The following MEGF10 variants were observed in gnomAD, a reference collection of about 807,000 sequenced individuals.
The protein encoded by MEGF10 is multiple EGF like domains 10, also known as multiple epidermal growth factor-like domains protein 10.
MEGF10 carries 86 observed loss-of-function variants against 147.5 expected under a neutral mutation model. That is an observed-to-expected ratio of 0.58 (90% CI 0.49 to 0.70). The LOEUF is 0.70. Ranked by LOEUF, MEGF10 falls within the 30% of genes least tolerant of loss-of-function variation. MEGF10 has a pLI of 0.00. For synonymous variants in MEGF10, 478 were observed against 525.5 expected (o/e 0.91, Z 1.24); for missense variants, 1,329 against 1,487.3 (o/e 0.89, Z 1.75).
chr5:127,376,130 T>G (rs1342665423), intron 5 of MEGF10, among the ~76,000 whole-genome samples: 3 of 152,118 alleles, frequency 2.0e-5, no homozygotes, highest in Non-Finnish European at 4.4e-5. Context: ...CCCTTCACTT[T>G]CAGTTGGGGA....
At chr5:127,245,728 C>T in the MEGF10 span, among the ~76,000 whole-genome samples, 2 of 152,120 alleles carry the variant, frequency 1.3e-5, no homozygotes, top group Non-Finnish European at 2.9e-5. Context: ...GGGCTAATAT[C>T]CAGAATCTAT....
intron 5 of MEGF10, among the ~76,000 whole-genome samples, chr5:127,370,279 T>C (rs1453325157): frequency 6.6e-6 from 1 of 152,140 alleles, no homozygotes; most frequent in Non-Finnish European, 1.5e-5. Context: ...TTTTCTAGAG[T>C]AGGGTCCACA....
At chr5:127,265,351 G>C in the MEGF10 span, among the ~76,000 whole-genome samples, 1 of 152,222 alleles carries the variant, frequency 6.6e-6, no homozygotes, top group African/African-American at 2.4e-5. Context: ...CCAAGTCTTT[G>C]CTATTGTGAA....
At chr5:127,273,388 C>T in the MEGF10 span, among the ~76,000 whole-genome samples, 1 of 152,240 alleles carries the variant, frequency 6.6e-6, no homozygotes, top group Non-Finnish European at 1.5e-5. Flanking sequence ...TGTTTCCCCT[C>T]ATCAGTCCCA....
intron 18 of MEGF10, 86 bp from the exon 19 acceptor site, chr5:127,442,912 C>A: frequency 7.0e-7 from 1 of 1,438,168 alleles, no homozygotes; most frequent in Non-Finnish European, 9.5e-7. Context: ...AAGGACTCAG[C>A]TCTAGATGTG....
intron 1 of MEGF10, among the ~76,000 whole-genome samples, chr5:127,303,111 C>T (rs1325074480): frequency 1.3e-5 from 2 of 151,868 alleles, no homozygotes; most frequent in Admixed American, 6.6e-5. Context: ...CCAAGGTGGG[C>T]GGATCACTTG....
rs1766521073 is a variant in MEGF10, at chr5:127,460,448, TATATTCA to T, written c.*3131_*3137del. The T allele has an allele frequency of 6.6e-6, 1 of 152,166 alleles. No homozygotes were observed. Among genetic ancestry groups the T allele is most frequent in the Admixed American group, 6.5e-5 (1 of 15,280 alleles). The allele number at this position is 152,166 out of a possible 1,614,324, so 9.4% of individuals were successfully genotyped here. The stretch of plus-strand genomic sequence containing the variant: ...TGTTTAGCATTATCTTTATGGAATT[TATATTCA>T]CCAATTTCAGGAAAACCAACCATAG... On this transcript the variant is annotated 3_prime_UTR_variant, in exon 25 of 25. Coordinates refer to ENST00000503335, the MANE Select transcript of MEGF10 (RefSeq NM_001256545.2).
intron 5 of MEGF10, among the ~76,000 whole-genome samples, chr5:127,381,743 T>C (rs992182096): frequency 6.6e-6 from 1 of 152,196 alleles, no homozygotes; most frequent in African/African-American, 2.4e-5. Context: ...TGATCTCAAC[T>C]GACTGCAACC....
intron 1 of MEGF10, among the ~76,000 whole-genome samples, chr5:127,303,537 G>A (rs1159275370): frequency 6.6e-6 from 1 of 152,010 alleles, no homozygotes; most frequent in Non-Finnish European, 1.5e-5. Context: ...TTCACTAATT[G>A]CAACACAACC....
At chr5:127,442,883 C>T in intron 18 of MEGF10, 115 bp from the exon 19 acceptor site, 1 of 1,113,632 alleles carries the variant, frequency 9.0e-7, no homozygotes, top group Non-Finnish European at 1.3e-6. Context: ...ACAAGTCAGC[C>T]TCAATAGGAA....
At chr5:127,447,801 TA>T in intron 21 of MEGF10, 117 bp downstream of exon 21, 2 of 1,283,506 alleles carry the variant, frequency 1.6e-6, no homozygotes, top group South Asian at 3.0e-5. Flanking sequence ...ATATATTATC[TA>T]ATTTATTCCT....
At chr5:127,422,991 G>A (rs1483911611) in intron 13 of MEGF10, among the ~76,000 whole-genome samples, 1 of 152,198 alleles carries the variant, frequency 6.6e-6, no homozygotes, top group Non-Finnish European at 1.5e-5. Flanking sequence ...GTAAGGTCCA[G>A]CTGTCAAAAT....
intron 6 of MEGF10, among the ~76,000 whole-genome samples, chr5:127,397,765 C>T (rs1763974325): frequency 6.6e-6 from 1 of 152,030 alleles, no homozygotes; most frequent in African/African-American, 2.4e-5. Context: ...CTGTGGGAAA[C>T]TTGGAGCAAT....
chr5:127,358,950 A>G (rs896378798), intron 4 of MEGF10, among the ~76,000 whole-genome samples: 1 of 151,968 alleles, frequency 6.6e-6, no homozygotes, highest in South Asian at 2.1e-4. Context: ...TAAGCTAAAA[A>G]CTCTTTCTGT....
the MEGF10 span, among the ~76,000 whole-genome samples, chr5:127,284,195 G>A: frequency 1.6e-4 from 24 of 152,120 alleles, no homozygotes; most frequent in Non-Finnish European, 1.8e-4. Context: ...AGGACTGGAA[G>A]AAGAAGACCG....
chr5:127,410,421 G>A lies in MEGF10; in HGVS notation c.950G>A (p.Gly317Asp). 1 of 1,614,218 alleles carries A rather than the reference G, an allele frequency of 6.2e-7. No homozygotes were observed. The highest frequency in any genetic ancestry group is 8.5e-7 in the Non-Finnish European group (1 of 1,180,036). The change falls in exon 9 of 25, where the codon GGC becomes GAC. Residue 317 changes from glycine to aspartate, a missense_variant. Transcript: ENST00000503335. ...GATGAGTGTCCTGTTGGGACCTATG[G>A]CGTTCTCTGTGCTGAGACCTGCCAG... ...CQDECPVGTY[G>D]VLCAETCQCV...
intron 14 of MEGF10, among the ~76,000 whole-genome samples, 191 bp downstream of exon 14, chr5:127,433,700 A>G (rs1452376317): frequency 6.6e-6 from 1 of 152,236 alleles, no homozygotes; most frequent in Non-Finnish European, 1.5e-5. Flanking sequence ...CAGCCTTCAG[A>G]ACTAACCTAA....
Position 127,339,212 on chromosome 5 carries a change from C to A in MEGF10, c.209C>A (p.Thr70Lys). Residue 70 changes from threonine to lysine, a missense_variant, in exon 3 of 25, where the codon ACG becomes AAG. Around this residue, in one of 3 missense-constraint regions of MEGF10, gnomAD observed 980 missense variants for 1,085.9 expected, o/e 0.90. Transcript: ENST00000503335. ...CTDILNWFKC[T>K]RHRVSYRTAY... ...GACATTCTAAACTGGTTTAAATGCA[C>A]GCGGCACAGGTAATAGAAGCTCAGG... 6.2e-7 allele frequency: 1 copy of A among 1,609,696 alleles called. No individual in the cohort carries two copies. The highest frequency in any genetic ancestry group is 8.5e-7 in the Non-Finnish European group (1 of 1,176,660).
Position 127,396,572 on chromosome 5 carries a change from G to A in MEGF10, c.453G>A (p.Arg151=), listed in dbSNP as rs766470558. Residue 151 remains arginine (R), a synonymous_variant, in exon 6 of 25, where the codon CGG becomes CGA. Transcript: ENST00000503335. Reference sequence around the variant, plus strand: ...ACTGGGGTCCCCACTGCACCAGCCGGTGCCAGTGCAAAAATGGGGCTCTGT... The same window carrying A: ...ACTGGGGTCCCCACTGCACCAGCCGATGCCAGTGCAAAAATGGGGCTCTGT... The part of the protein sequence containing the change: ...GDHWGPHCTS[R]CQCKNGALCN... The A allele has an allele frequency of 3.1e-6, 5 of 1,596,346 alleles. No homozygotes were observed. The highest frequency in any genetic ancestry group is 4.3e-6 in the Non-Finnish European group (5 of 1,168,568).
Sources: allele counts gnomAD v4.1 joint callset (sites outside exome capture counted in the v4.1 genomes callset), GRCh38; gene constraint gnomAD v4.1.1; regional missense constraint gnomAD v4.1.1; transcripts MANE v1.5; gene names NCBI Gene and HGNC (gene_info 2026-07-23, HGNC 2026-07-21).